The following HEXD variants were observed in gnomAD, a reference collection of about 807,000 sequenced individuals.
HEXD encodes the protein N-acetyl-beta-galactosaminidase.
HEXD carries 47 observed loss-of-function variants against 54.2 expected under a neutral mutation model. The ratio of observed to expected loss-of-function variants is 0.87; its 90% CI spans 0.69 to 1.11. The LOEUF (loss-of-function observed/expected upper bound fraction) is 1.11, where lower values mean the gene tolerates loss of function less well. HEXD is among the 50% of genes least tolerant of loss of function. The pLI is 0.00. For missense variants in HEXD, 576 were observed against 649.2 expected, an observed-to-expected ratio of 0.89 and a Z score of 1.23; for synonymous variants, 293 against 287.6, an observed-to-expected ratio of 1.02 and a Z score of -0.19.
At chr17:82,420,114 C>T in intron 2 of HEXD, 1 of 355,476 alleles carries the variant, frequency 2.8e-6, no homozygotes, top group Non-Finnish European at 5.1e-6. Context: ...ACAAAAGAAA[C>T]TCACAGCTTC....
chr17:82,433,079 A>AG (rs1306821575), intron 4 of HEXD, among the ~76,000 whole-genome samples: 12 of 10,132 alleles, frequency 1.2e-3, no homozygotes, highest in African/African-American at 6.3e-3. Context: ...AAAAAAAAGA[A>AG]AAAAAAAAAA....
intron 5 of HEXD, among the ~76,000 whole-genome samples, chr17:82,435,327 AC>A (rs1210611530): frequency 6.6e-6 from 1 of 151,470 alleles, no homozygotes; most frequent in Non-Finnish European, 1.5e-5. Flanking sequence ...ACAGTGTATG[AC>A]CTGTGCTCCT....
rs199993306 is a variant in HEXD, at chr17:82,442,473, G to A, written c.*89G>A. Reference sequence around the variant, plus strand: ...CTGGGCAATACGGGCCCACGTGGGCGTCGTGCCCTCTGGCCCAGCAGTGTC... The same window carrying A: ...CTGGGCAATACGGGCCCACGTGGGCATCGTGCCCTCTGGCCCAGCAGTGTC... On this transcript the variant is annotated 3_prime_UTR_variant, in exon 13 of 13. Coordinates refer to ENST00000327949, the MANE Select transcript of HEXD (RefSeq NM_001330542.2). This position sits in a 1 kb window ranked among gnomAD's most constrained non-coding sequence, Gnocchi z 6.8. 2,185 of 1,606,110 alleles carry A rather than the reference G, an allele frequency of 1.4e-3. 1 individual carries two copies. Among genetic ancestry groups the A allele is most frequent in the Non-Finnish European group, 1.8e-3 (2,077 of 1,174,306 alleles).
In HEXD at chr17:82,442,012, C is replaced by T. The variant is rs145311940; in HGVS notation, c.1253+123C>T. 61 of 1,296,096 alleles carry T rather than the reference C, an allele frequency of 4.7e-5. No homozygotes were observed. The East Asian group carries it at 1.3e-3, about 29-fold the overall frequency. 80.3% of individuals were successfully genotyped at this position (1,296,096 alleles called of 1,614,324 possible). ...CCCTAGTTGTAAAAGGCCCTCTGGT[C>T]TCAGATGTGCAGCTGTCACCGACTT... On this transcript the variant is annotated intron_variant, in intron 12 of 12. Transcript: ENST00000327949. This position sits in a 1 kb window ranked among gnomAD's most constrained non-coding sequence, Gnocchi z 6.8.
At position 82,441,035 on chromosome 17, in the gene HEXD, C is replaced by T. The variant is rs1405258557; in HGVS notation, c.1021C>T (p.Leu341Phe). Reference sequence around the variant, plus strand: ...AGATGTTAAAGCGAAAGTGGAGAACCTTCTCGGGATTTCCAGCCTGGAAAA... The same window carrying T: ...AGATGTTAAAGCGAAAGTGGAGAACTTTCTCGGGATTTCCAGCCTGGAAAA... ...DEDVKAKVEN[L>F]LGISSLEKTD... The change falls in exon 10 of 13, where the codon CTT becomes TTT. Residue 341 changes from leucine (L) to phenylalanine (F), a missense_variant. Physicochemically the swap from Leu to Phe is conservative, Grantham distance 22 (BLOSUM62 0). Coordinates refer to ENST00000327949, the MANE Select transcript of HEXD (RefSeq NM_001330542.2). 1 of 1,613,516 alleles carries T rather than the reference C, an allele frequency of 6.2e-7. No homozygotes were observed. Among genetic ancestry groups the T allele is most frequent in the Non-Finnish European group, 8.5e-7 (1 of 1,180,002 alleles).
chr17:82,421,071 G>C (rs1234804999), intron 2 of HEXD, among the ~76,000 whole-genome samples: 1 of 151,512 alleles, frequency 6.6e-6, no homozygotes, highest in East Asian at 1.9e-4. Context: ...GCTATGACCA[G>C]AGGACCCAGA....
chr17:82,440,487 G>A (rs977233100), intron 9 of HEXD: 5 of 423,006 alleles, frequency 1.2e-5, no homozygotes, highest in East Asian at 9.8e-5. Flanking sequence ...CCTTGCCCAC[G>A]GCCCCATCCG....
Position 82,419,111 on chromosome 17 carries a change from T to C in HEXD, c.-52+371T>C, listed in dbSNP as rs536066711. The stretch of plus-strand genomic sequence containing the variant: ...GTGCTTTCATAGTAGATAGGAAAAA[T>C]AAATAAAAAATACATAAATTTTACC... On this transcript the variant is annotated intron_variant, in intron 1 of 12. Transcript: ENST00000327949. 1.2e-4 allele frequency among the ~76,000 whole-genome samples: 18 copies of C among 152,220 alleles called. No homozygotes were observed. The South Asian group carries it at 3.7e-3, about 32-fold the overall frequency.
chr17:82,419,513 C>T (rs559242663), intron 1 of HEXD, among the ~76,000 whole-genome samples: 2 of 152,246 alleles, frequency 1.3e-5, no homozygotes, highest in Admixed American at 6.5e-5. Flanking sequence ...TAGATCATAA[C>T]CATCTTATAA....
At chr17:82,429,403 C>T (rs1036877839) in intron 4 of HEXD, among the ~76,000 whole-genome samples, 3 of 152,180 alleles carry the variant, frequency 2.0e-5, no homozygotes, top group African/African-American at 7.2e-5. Context: ...TATTTCCACA[C>T]ACCGCGGGTA....
rs1381139669 is a variant in HEXD at position 82,441,085 on chromosome 17, C to A, written c.1061+10C>A. 2 of 1,613,516 alleles carry A rather than the reference C, an allele frequency of 1.2e-6. No individual in the cohort carries two copies. The highest frequency in any genetic ancestry group is 1.7e-6 in the Non-Finnish European group (2 of 1,180,004). On this transcript the variant is annotated intron_variant, in intron 10 of 12. Coordinates refer to ENST00000327949, the MANE Select transcript of HEXD (RefSeq NM_001330542.2). ...AAACGGACCCTGTTAGGCAAGCACC[C>A]TGCAGCCCTCCCTGTCCCCTTCTTC...
intron 3 of HEXD, among the ~76,000 whole-genome samples, chr17:82,428,322 CTT>C (rs1838489582): frequency 6.6e-6 from 1 of 152,148 alleles, no homozygotes; most frequent in Non-Finnish European, 1.5e-5. Flanking sequence ...ACTTCATTCT[CTT>C]GTCGTGGGTT....
At chr17:82,420,134 G>A (rs1051573541) in intron 2 of HEXD, 1 of 323,412 alleles carries the variant, frequency 3.1e-6, no homozygotes, top group South Asian at 8.0e-5. Context: ...CTTTCTTTTG[G>A]GTTGAAGTGT....
In HEXD at chr17:82,441,276, T is replaced by C. The variant is rs1472966425; in HGVS notation, c.1163+10T>C. ...TGCTGGAGGGCAACAGGTGAGCGTG[T>C]GGGTTAGGGGCAGGTGTGGGTGAGG... On this transcript the variant is annotated intron_variant, in intron 11 of 12. Transcript: ENST00000327949. 2 of 1,467,376 alleles carry C rather than the reference T, an allele frequency of 1.4e-6. No individual in the cohort carries two copies. Among genetic ancestry groups the C allele is most frequent in the African/African-American group, 1.6e-5 (1 of 62,760 alleles). 90.9% of individuals were successfully genotyped at this position (1,467,376 alleles called of 1,614,324 possible).
intron 3 of HEXD, among the ~76,000 whole-genome samples, chr17:82,425,067 A>AAGGCCGGAGAAGGCTGGAGG (rs2053364478): frequency 7.4e-6 from 1 of 135,600 alleles, no homozygotes; most frequent in Non-Finnish European, 1.6e-5. Flanking sequence ...AAGGCTGGAG[A>AAGGCCGGAGAAGGCTGGAGG]AGGCTGGAGA....
chr17:82,424,551 A>T (rs1555615906), intron 3 of HEXD, 48 bp downstream of exon 3: 2 of 1,392,852 alleles, frequency 1.4e-6, no homozygotes, highest in Admixed American at 1.7e-5. Context: ...AAAGCGGGGA[A>T]GGGGGGGTTC....
intron 9 of HEXD, chr17:82,440,531 C>T: frequency 3.0e-6 from 1 of 331,460 alleles, no homozygotes; most frequent in South Asian, 2.5e-5. Context: ...CTCCTGCCCT[C>T]TGGCCGTCAG....
intron 3 of HEXD, 38 bp from the exon 4 acceptor site, chr17:82,428,520 C>T: frequency 1.3e-6 from 2 of 1,571,376 alleles, no homozygotes; most frequent in Non-Finnish European, 1.8e-6. Flanking sequence ...TCACGTGCTG[C>T]TCACATGACC....
chr17:82,430,504 C>A (rs1418846410), intron 4 of HEXD, among the ~76,000 whole-genome samples: 1 of 152,202 alleles, frequency 6.6e-6, no homozygotes, highest in African/African-American at 2.4e-5. Flanking sequence ...TCTCCTGCCT[C>A]AGCCTCCTGA....
Sources: allele counts gnomAD v4.1 joint callset (sites outside exome capture counted in the v4.1 genomes callset), GRCh38; gene constraint gnomAD v4.1.1; non-coding constraint Gnocchi (gnomAD v3.1); transcripts MANE v1.5; gene names NCBI Gene and HGNC (gene_info 2026-07-23, HGNC 2026-07-21).